Variants in EEF2KMT observed in about 807,000 individuals in gnomAD.
EEF2KMT encodes the protein eukaryotic elongation factor 2 lysine methyltransferase.
Under a neutral mutation model 35.1 loss-of-function variants are expected in EEF2KMT, and 30 were observed. The observed-to-expected ratio is 0.85, with a 90% CI of 0.64 to 1.16. The LOEUF (loss-of-function observed/expected upper bound fraction) is 1.16, where lower values mean the gene tolerates loss of function less well. Ranked by LOEUF, EEF2KMT falls within the 50% of genes most tolerant of loss-of-function variation. EEF2KMT has a pLI of 0.00. For synonymous variants in EEF2KMT, 190 were observed against 187.7 expected, an observed-to-expected ratio of 1.01 and a Z score of -0.10; for missense variants, 499 against 438.2, an observed-to-expected ratio of 1.14 and a Z score of -1.24.
rs753962687 is a variant in EEF2KMT, at chr16:5,093,564, T to A, written c.160A>T (p.Thr54Ser). ...SELLRDILHK[T>S]VKHPVCVKHP... Reference sequence around the variant, plus strand: ...TTCACACACACAGGATGCTTCACAGTCTACGGCAAAGGACAGAACGTTGGT... The same window carrying A: ...TTCACACACACAGGATGCTTCACAGACTACGGCAAAGGACAGAACGTTGGT... Residue 54 changes from threonine to serine, a missense_variant and splice_region_variant, in exon 3 of 8, where the codon ACT becomes TCT. Transcript: ENST00000427587. 3.1e-6 allele frequency: 5 copies of A among 1,612,002 alleles called. No individual in the cohort carries two copies. In the East Asian group the frequency reaches 1.1e-4, roughly 36 times the overall value.
In EEF2KMT at chr16:5,090,150, G is replaced by C. The variant is rs1957309703; in HGVS notation, c.676C>G (p.Leu226Val). 6.2e-7 allele frequency: 1 copy of C among 1,611,120 alleles called. No homozygotes were observed. The highest frequency in any genetic ancestry group is 2.2e-5 in the East Asian group (1 of 44,874). The change falls in exon 6 of 8, where the codon CTG (leucine) becomes GTG (valine). Residue 226 changes from leucine to valine, a missense_variant. By Grantham distance (32) the Leu-to-Val change is conservative (BLOSUM62 1). Transcript: ENST00000427587. The surrounding 1 kb of genome is among the most constrained non-coding windows in gnomAD (Gnocchi z 4.1). ...LDSPRVTVAQ[L>V]DWDVATVHQL... ...TGGACCGTCGCGACGTCCCAGTCCA[G>C]CTGGGCCACTGTCACCCTGGGGCTG... is the stretch of plus-strand genomic sequence containing the variant.
chr16:5,089,178 C>T lies in EEF2KMT; in HGVS notation c.821G>A (p.Arg274Gln), dbSNP rs3204208. The change falls in exon 7 of 8, where the codon CGG becomes CAG. Residue 274 changes from arginine (R) to glutamine (Q), a missense_variant. Arg to Gln is a conservative substitution (Grantham distance 43, BLOSUM62 1). Transcript: ENST00000427587. ...RRLAACREHQ[R>Q]APEVYVAFTV... ...AAAGGCCACGTAGACCTCAGGAGCC[C>T]GCTGGTGCTCCCGGCAGGCAGCCAG... 55 of 1,611,772 alleles carry T rather than the reference C, an allele frequency of 3.4e-5. No homozygotes were observed. The highest frequency in any genetic ancestry group is 5.5e-5 in the South Asian group (5 of 91,030).
At position 5,091,794 on chromosome 16, in the gene EEF2KMT, C is replaced by G. The variant is rs1320634932; in HGVS notation, c.342G>C (p.Leu114=). ...ESTQGHRSYL[L]PSGGSVTLSE... is the part of the protein sequence containing the mutation. The stretch of plus-strand genomic sequence containing the variant: ...GGGGAGGAGGGTGCCCTTCTCATAC[C>G]AGCAAATAGCTCCGGTGGCCCTGGG... The change falls in exon 4 of 8, where the codon CTG becomes CTC. Residue 114 remains leucine (L), a splice_region_variant and synonymous_variant. Transcript: ENST00000427587. 2.5e-5 allele frequency: 40 copies of G among 1,611,556 alleles called. No homozygotes were observed. The highest frequency in any genetic ancestry group is 3.2e-5 in the Non-Finnish European group (38 of 1,179,708).
At chr16:5,092,167 G>C (rs558336644) in intron 3 of EEF2KMT, among the ~76,000 whole-genome samples, 6 of 152,126 alleles carry the variant, frequency 3.9e-5, no homozygotes, top group African/African-American at 9.7e-5. Context: ...AAATTCACTT[G>C]GTAGGGAAAC....
intron 4 of EEF2KMT, 140 bp downstream of exon 4, chr16:5,091,654 G>C (rs578257192): frequency 7.0e-7 from 1 of 1,422,020 alleles, no homozygotes; most frequent in African/African-American, 1.4e-5. Flanking sequence ...GGGAAACTGA[G>C]GCTAAAGAAG....
In EEF2KMT at chr16:5,084,701, G is replaced by T. The variant is rs776353416; in HGVS notation, c.*931C>A. 6 of 1,596,250 alleles carry T rather than the reference G, an allele frequency of 3.8e-6. No individual in the cohort carries two copies. The highest frequency in any genetic ancestry group is 5.1e-6 in the Non-Finnish European group (6 of 1,179,672). Reference sequence around the variant, plus strand: ...GGTCAGCCAGGTGGTGACCTGGGATGGGGTGGGGACAGGCAATGAGGTAAG... The same window carrying T: ...GGTCAGCCAGGTGGTGACCTGGGATTGGGTGGGGACAGGCAATGAGGTAAG... On this transcript the variant is annotated 3_prime_UTR_variant, in exon 8 of 8. Coordinates refer to ENST00000427587, the MANE Select transcript of EEF2KMT (RefSeq NM_201400.4).
chr16:5,089,997 C>A, intron 6 of EEF2KMT, 87 bp downstream of exon 6: 1 of 1,569,190 alleles, frequency 6.4e-7, no homozygotes. Flanking sequence ...TGCCCGACAG[C>A]GTCCATTGTT....
At chr16:5,094,863 T>C (rs1176317086) in intron 2 of EEF2KMT, among the ~76,000 whole-genome samples, 1 of 152,194 alleles carries the variant, frequency 6.6e-6, no homozygotes, top group Non-Finnish European at 1.5e-5. Flanking sequence ...GGTGCACTTC[T>C]TTCTGCGAGG....
At chr16:5,095,645 C>G in intron 1 of EEF2KMT, 131 bp from the exon 2 acceptor site, 1 of 1,433,528 alleles carries the variant, frequency 7.0e-7, no homozygotes, top group Admixed American at 1.9e-5. Flanking sequence ...GTGGAAGCCA[C>G]AGCGGCTGAA....
intron 3 of EEF2KMT, among the ~76,000 whole-genome samples, chr16:5,092,974 A>G (rs956254401): frequency 1.3e-5 from 2 of 152,166 alleles, no homozygotes; most frequent in East Asian, 1.9e-4. Flanking sequence ...AAATAAATAA[A>G]TAAGTAAAAA....
intron 7 of EEF2KMT, among the ~76,000 whole-genome samples, chr16:5,088,274 C>T (rs542313798): frequency 2.6e-5 from 4 of 152,236 alleles, no homozygotes; most frequent in East Asian, 1.9e-4. Context: ...GGGACTCTGT[C>T]GTGGAACCCA....
intron 1 of EEF2KMT, chr16:5,097,214 A>C: frequency 9.2e-7 from 1 of 1,088,088 alleles, no homozygotes; most frequent in Non-Finnish European, 1.2e-6. Context: ...CAACATACAG[A>C]TGAGAATACT....
intron 1 of EEF2KMT, 164 bp downstream of exon 1, chr16:5,097,480 C>G: frequency 7.0e-7 from 1 of 1,423,196 alleles, no homozygotes; most frequent in Non-Finnish European, 9.2e-7. Flanking sequence ...GCGAGCGACT[C>G]TGGCCAGGCC....
intron 4 of EEF2KMT, among the ~76,000 whole-genome samples, chr16:5,091,378 G>A (rs1460214122): frequency 1.3e-5 from 2 of 151,684 alleles, no homozygotes; most frequent in East Asian, 3.9e-4. Flanking sequence ...CACCACGCCC[G>A]GCCTGATTTT....
chr16:5,095,062 C>T (rs1428411053), intron 2 of EEF2KMT, among the ~76,000 whole-genome samples: 1 of 152,112 alleles, frequency 6.6e-6, no homozygotes, highest in African/African-American at 2.4e-5. Flanking sequence ...AGCAAGGGCC[C>T]ATTTAGGTCT....
Position 5,090,683 on chromosome 16 carries a change from A to G in EEF2KMT, c.343-118T>C. ...TGACAGGACCAATCGCCACTCAGCA[A>G]TGAGAAGCAGCTAACTGTTGGCATG... On this transcript the variant is annotated intron_variant, in intron 4 of 7. Coordinates refer to ENST00000427587, the MANE Select transcript of EEF2KMT (RefSeq NM_201400.4). The surrounding 1 kb of genome is among the most constrained non-coding windows in gnomAD (Gnocchi z 4.1). 7.3e-7 allele frequency: 1 copy of G among 1,369,842 alleles called. No homozygotes were observed. Among genetic ancestry groups the G allele is most frequent in the Non-Finnish European group, 1.0e-6 (1 of 991,372 alleles). The allele number at this position is 1,369,842 out of a possible 1,614,324, so 84.9% of individuals were successfully genotyped here.
At chr16:5,089,698 A>G (rs1247214864) in intron 6 of EEF2KMT, among the ~76,000 whole-genome samples, 1 of 151,934 alleles carries the variant, frequency 6.6e-6, no homozygotes, top group African/African-American at 2.4e-5. Context: ...TCCACCAGAG[A>G]GGGGACTGAG....
intron 4 of EEF2KMT, among the ~76,000 whole-genome samples, chr16:5,091,558 G>C (rs1054874420): frequency 6.6e-6 from 1 of 152,252 alleles, no homozygotes; most frequent in Non-Finnish European, 1.5e-5. Flanking sequence ...TCCTTGTGAA[G>C]CAGGTAGTGT....
intron 1 of EEF2KMT, among the ~76,000 whole-genome samples, chr16:5,096,629 G>C (rs1030960632): frequency 1.5e-4 from 23 of 152,214 alleles, no homozygotes; most frequent in African/African-American, 2.7e-4. Context: ...AGGTCACACA[G>C]GGCCAGGGGC....
Sources: gnomAD v4.1 joint callset for allele counts (sites outside exome capture counted in the v4.1 genomes callset) on GRCh38, gnomAD v4.1.1 for gene constraint, Gnocchi (gnomAD v3.1) non-coding constraint, MANE v1.5 for transcripts, NCBI Gene and HGNC (gene_info 2026-07-23, HGNC 2026-07-21) for gene names.